Variants in SHROOM3 observed in about 807,000 individuals in gnomAD.
The protein encoded by SHROOM3 is protein Shroom3.
In SHROOM3, 47 loss-of-function variants were observed where a neutral mutation model predicts 138.6. The observed-to-expected ratio is 0.34, with a 90% CI of 0.27 to 0.43. SHROOM3 has a LOEUF of 0.43. SHROOM3 is among the 20% of genes least tolerant of loss of function. The probability of loss-of-function intolerance (pLI) is 1.00; values close to 1 mark genes in which losing one functional copy is unlikely to be tolerated. For synonymous variants in SHROOM3, 1,062 were observed against 1,063.3 expected, an observed-to-expected ratio of 1.00 and a Z score of 0.02; for missense variants, 2,491 against 2,596.5, an observed-to-expected ratio of 0.96 and a Z score of 0.88.
intron 4 of SHROOM3, among the ~76,000 whole-genome samples, chr4:76,736,618 C>T (rs143726467): frequency 9.2e-5 from 14 of 152,092 alleles, no homozygotes; most frequent in Non-Finnish European, 1.6e-4. Context: ...AGTGTTGAAA[C>T]GCCTATCCAT....
intron 2 of SHROOM3, among the ~76,000 whole-genome samples, chr4:76,565,341 A>C (rs193207737): frequency 6.6e-6 from 1 of 152,168 alleles, no homozygotes; most frequent in East Asian, 1.9e-4. Context: ...GATGAACCAA[A>C]TATTTGGAAC....
intron 1 of SHROOM3, among the ~76,000 whole-genome samples, chr4:76,522,889 A>T (rs561303791): frequency 1.3e-5 from 2 of 152,236 alleles, no homozygotes; most frequent in African/African-American, 4.8e-5. Flanking sequence ...CACATTATAC[A>T]TACATTTTCT....
rs145112769 is a variant in SHROOM3, at chr4:76,730,904, G to A, written c.556G>A (p.Gly186Ser). The stretch of plus-strand genomic sequence containing the variant: ...GATGCAGATATCTCAGGGTATGATC[G>A]GCCCTCCTTGGCACCAAAGCTACCA... ...SMMQISQGMI[G>S]PPWHQSYHSS... Residue 186 changes from glycine (G) to serine (S), a missense_variant, in exon 4 of 11, where the codon GGC becomes AGC. Gly to Ser is a moderately conservative substitution (Grantham distance 56, BLOSUM62 0). Transcript: ENST00000296043. 3 of 1,614,090 alleles carry A rather than the reference G, an allele frequency of 1.9e-6. No individual in the cohort carries two copies. Among genetic ancestry groups the A allele is most frequent in the Non-Finnish European group, 2.5e-6 (3 of 1,180,030 alleles).
chr4:76,464,093 C>T (rs1486098399), intron 1 of SHROOM3, among the ~76,000 whole-genome samples: 1 of 152,218 alleles, frequency 6.6e-6, no homozygotes, highest in African/African-American at 2.4e-5. Context: ...CACTAACAGC[C>T]TGCACTGTGC....
chr4:76,474,627 TTC>T, intron 1 of SHROOM3, among the ~76,000 whole-genome samples: 1 of 152,168 alleles, frequency 6.6e-6, no homozygotes, highest in East Asian at 1.9e-4. Flanking sequence ...CATTAAAGAT[TTC>T]TGAGGCCAGG....
intron 10 of SHROOM3, 135 bp downstream of exon 10, chr4:76,771,033 T>C: frequency 8.6e-7 from 1 of 1,158,626 alleles, no homozygotes; most frequent in Non-Finnish European, 1.3e-6. Context: ...AATACATGTA[T>C]AGGTAACCAA....
intron 2 of SHROOM3, among the ~76,000 whole-genome samples, chr4:76,700,142 A>AT (rs1257889886): frequency 6.6e-6 from 1 of 152,234 alleles, no homozygotes; most frequent in Admixed American, 6.5e-5. Flanking sequence ...CTCAAATAAG[A>AT]TTAAGACTAT....
At chr4:76,612,440 G>T (rs1426755508) in intron 2 of SHROOM3, among the ~76,000 whole-genome samples, 2 of 152,120 alleles carry the variant, frequency 1.3e-5, no homozygotes, top group Admixed American at 1.3e-4. Flanking sequence ...AATTGAGAAT[G>T]AATCCCAGGG....
intron 2 of SHROOM3, among the ~76,000 whole-genome samples, chr4:76,662,932 AGAGGGAGG>A (rs753700853): frequency 1.8e-4 from 26 of 147,564 alleles, no homozygotes; most frequent in African/African-American, 4.5e-4. Flanking sequence ...AGGGAGAGGG[AGAGGGAGG>A]GAGAGAGGGA....
rs59627354 is a variant in SHROOM3, at chr4:76,547,455, T to A, written c.169-8154T>A. ...ACTGGAACACACGAAGCCCTCAACA[T>A]CTGGTTGCAATCATGATGATAATTA... On this transcript the variant is annotated intron_variant, in intron 1 of 10. Coordinates refer to ENST00000296043, the MANE Select transcript of SHROOM3 (RefSeq NM_020859.4). Among the ~76,000 whole-genome samples the A allele has an allele frequency of 5.4e-3, 829 of 152,278 alleles. 5 individuals are homozygous for A. The highest frequency in any genetic ancestry group is 0.019 in the African/African-American group (797 of 41,558).
At chr4:76,557,977 G>A (rs1733521896) in intron 2 of SHROOM3, among the ~76,000 whole-genome samples, 2 of 152,154 alleles carry the variant, frequency 1.3e-5, no homozygotes. Flanking sequence ...CATTCCTTGT[G>A]TCCAGAGAGT....
chr4:76,467,920 G>T (rs890381837), intron 1 of SHROOM3, among the ~76,000 whole-genome samples: 7 of 152,216 alleles, frequency 4.6e-5, no homozygotes, highest in Admixed American at 1.3e-4. Context: ...ACTGGAAATG[G>T]GAATGAAGAG....
chr4:76,549,127 T>G, intron 1 of SHROOM3, among the ~76,000 whole-genome samples: 1 of 152,230 alleles, frequency 6.6e-6, no homozygotes, highest in Non-Finnish European at 1.5e-5. Context: ...AAAATTACTG[T>G]TAAACTTTTT....
rs58799466 is a variant in SHROOM3, at chr4:76,544,407, C to CTTTTTTTTTT, written c.169-11184_169-11175dup. 2.4e-4 allele frequency among the ~76,000 whole-genome samples: 18 copies of CTTTTTTTTTT among 75,870 alleles called. 2 individuals carry two copies. The highest frequency in any genetic ancestry group is 4.8e-4 in the Non-Finnish European group (17 of 35,738). The allele number at this position is 75,870 out of a possible 152,430, so 49.8% of individuals were successfully genotyped here. ...AAAAAATTTTAAGATAGCTCAATGG[C>CTTTTTTTTTT]TTTTTTTTTTTTTTTTTTTTTTTTT... On this transcript the variant is annotated intron_variant, in intron 1 of 10. Transcript: ENST00000296043.
intron 7 of SHROOM3, among the ~76,000 whole-genome samples, chr4:76,755,712 A>C (rs1356853736): frequency 6.7e-6 from 1 of 148,484 alleles, no homozygotes; most frequent in Non-Finnish European, 1.5e-5. Context: ...CCTCAGTCTC[A>C]AAAGAGAAGA....
chr4:76,660,431 G>A (rs2110092808), intron 2 of SHROOM3, among the ~76,000 whole-genome samples: 1 of 152,146 alleles, frequency 6.6e-6, no homozygotes, highest in East Asian at 1.9e-4. Flanking sequence ...ACACCTCAGC[G>A]ATAACTAGTC....
intron 1 of SHROOM3, among the ~76,000 whole-genome samples, chr4:76,504,663 T>C (rs375211978): frequency 6.6e-5 from 10 of 152,342 alleles, no homozygotes; most frequent in African/African-American, 2.4e-4. Context: ...AATTACACAT[T>C]CTATAATCCC....
intron 1 of SHROOM3, among the ~76,000 whole-genome samples, chr4:76,517,670 C>T (rs2110008522): frequency 6.6e-6 from 1 of 151,498 alleles, no homozygotes; most frequent in Non-Finnish European, 1.5e-5. Context: ...TAGTCAGTGG[C>T]TGATTATTTG....
At chr4:76,552,065 G>T (rs1218017643) in intron 1 of SHROOM3, among the ~76,000 whole-genome samples, 3 of 146,160 alleles carry the variant, frequency 2.1e-5, no homozygotes, top group Non-Finnish European at 4.5e-5. Flanking sequence ...GTTTCACCGT[G>T]TTAGCCAGGA....
Sources: allele counts gnomAD v4.1 joint callset (sites outside exome capture counted in the v4.1 genomes callset), GRCh38; gene constraint gnomAD v4.1.1; transcripts MANE v1.5; gene names NCBI Gene and HGNC (gene_info 2026-07-23, HGNC 2026-07-21).